Variants in PRKG1 observed in about 807,000 individuals in gnomAD.
PRKG1 encodes the protein protein kinase cGMP-dependent 1.
Under a neutral mutation model 88.1 loss-of-function variants are expected in PRKG1, and 35 were observed. The observed-to-expected ratio is 0.40, with a 90% CI of 0.30 to 0.53. The LOEUF is 0.53. Among genes scored for constraint, PRKG1 ranks in the 20% least tolerant of loss-of-function variants. PRKG1 has a pLI of 0.59. For missense variants in PRKG1, 540 were observed against 839.8 expected, an observed-to-expected ratio of 0.64 and a Z score of 4.41; for synonymous variants, 303 against 292.5, an observed-to-expected ratio of 1.04 and a Z score of -0.37.
chr10:52,163,586 T>C (rs1838341570), intron 9 of PRKG1, among the ~76,000 whole-genome samples: 1 of 152,086 alleles, frequency 6.6e-6, no homozygotes, highest in Admixed American at 6.6e-5. Flanking sequence ...ATGAATGTTT[T>C]TGTAGAACTC....
intron 3 of PRKG1, among the ~76,000 whole-genome samples, chr10:51,640,022 G>C (rs543620131): frequency 2.2e-4 from 33 of 152,294 alleles, no homozygotes; most frequent in African/African-American, 7.7e-4. Flanking sequence ...TGGTTGTAAA[G>C]ATTAAAAGAG....
intron 3 of PRKG1, among the ~76,000 whole-genome samples, chr10:51,551,766 G>GT (rs1405348000): frequency 1.3e-5 from 2 of 151,724 alleles, no homozygotes; most frequent in African/African-American, 4.8e-5. Context: ...CATGGAAATT[G>GT]TTTTTCATAT....
At chr10:52,277,600 A>G (rs978787595) in intron 12 of PRKG1, among the ~76,000 whole-genome samples, 2 of 152,152 alleles carry the variant, frequency 1.3e-5, no homozygotes, top group Non-Finnish European at 2.9e-5. Flanking sequence ...ACAGAAACAC[A>G]GAGACATATA....
At chr10:52,243,300 A>G (rs1345502977) in intron 9 of PRKG1, among the ~76,000 whole-genome samples, 1 of 152,216 alleles carries the variant, frequency 6.6e-6, no homozygotes, top group Non-Finnish European at 1.5e-5. Context: ...TTTTTCAAAT[A>G]TAAGGACATT....
intron 1 of PRKG1, among the ~76,000 whole-genome samples, chr10:51,121,757 A>T (rs2339627): frequency 6.6e-6 from 1 of 151,496 alleles, no homozygotes; most frequent in Admixed American, 6.6e-5. Flanking sequence ...AAATGTCATA[A>T]TCACCCATCA....
intron 2 of PRKG1, among the ~76,000 whole-genome samples, chr10:51,232,480 G>T (rs2132111026): frequency 6.6e-6 from 1 of 152,140 alleles, no homozygotes; most frequent in African/African-American, 2.4e-5. Context: ...TGAAAAAATG[G>T]ATATGCGATG....
chr10:51,004,409 A>G (rs766359689), intron 1 of PRKG1, among the ~76,000 whole-genome samples: 64 of 152,236 alleles, frequency 4.2e-4, no homozygotes, highest in Non-Finnish European at 6.6e-4. Context: ...CAGTGAGCCA[A>G]GATTGTGCCA....
rs190227356 is a variant in PRKG1 at position 52,204,969 on chromosome 10, T to C, written c.1076+43006T>C. On this transcript the variant is annotated intron_variant, in intron 9 of 17. Coordinates refer to ENST00000373980, the MANE Select transcript of PRKG1 (RefSeq NM_006258.4). ...CTCCCAAATAAGGAATATTAATAATTAACAGCCCTGGGAAAAGAATGCATT... is the reference window on the plus strand; with the variant it reads ...CTCCCAAATAAGGAATATTAATAATCAACAGCCCTGGGAAAAGAATGCATT... Among the ~76,000 whole-genome samples, 5 of 152,146 alleles carry C rather than the reference T, an allele frequency of 3.3e-5. No homozygotes were observed. In the East Asian group the frequency reaches 9.7e-4, roughly 29 times the overall value.
At chr10:51,102,452 G>T (rs1844709614) in intron 1 of PRKG1, among the ~76,000 whole-genome samples, 1 of 151,928 alleles carries the variant, frequency 6.6e-6, no homozygotes, top group Admixed American at 6.6e-5. Context: ...AAAAAAACAG[G>T]CAGAATTAAA....
chr10:51,173,154 A>G (rs541322316), intron 2 of PRKG1, among the ~76,000 whole-genome samples: 11 of 152,016 alleles, frequency 7.2e-5, no homozygotes, highest in Middle Eastern at 3.2e-3. Context: ...TTATAATTAT[A>G]ATAAACAATA....
At chr10:51,118,345 T>C (rs1845178265) in intron 1 of PRKG1, among the ~76,000 whole-genome samples, 2 of 152,198 alleles carry the variant, frequency 1.3e-5, no homozygotes, top group Non-Finnish European at 1.5e-5. Flanking sequence ...CTCAGATCAA[T>C]ATAGTGCCAT....
chr10:52,119,991 CAG>C lies in PRKG1; in HGVS notation c.936-13837_936-13836del, dbSNP rs147162131. ...AGAGAGACAGAGAGGGAAAGTGAGA[CAG>C]AGAGAGAGAGACAGAGAGAGAGAGA... On this transcript the variant is annotated intron_variant, in intron 7 of 17. Coordinates refer to ENST00000373980, the MANE Select transcript of PRKG1 (RefSeq NM_006258.4). 1.2e-4 allele frequency among the ~76,000 whole-genome samples: 18 copies of C among 149,568 alleles called. No individual in the cohort carries two copies. The South Asian group carries it at 2.1e-3, about 18-fold the overall frequency.
chr10:51,799,291 C>T (rs1193290388), intron 3 of PRKG1, among the ~76,000 whole-genome samples: 1 of 152,032 alleles, frequency 6.6e-6, no homozygotes, highest in Non-Finnish European at 1.5e-5. Context: ...AATTCCGCAT[C>T]AAGGCACACA....
chr10:51,375,998 C>T (rs1842809426), intron 2 of PRKG1, among the ~76,000 whole-genome samples: 1 of 152,138 alleles, frequency 6.6e-6, no homozygotes, highest in Non-Finnish European at 1.5e-5. Flanking sequence ...TCCATGTATG[C>T]AAAACACTAC....
chr10:52,184,870 C>T (rs1839147570), intron 9 of PRKG1: 1 of 152,162 alleles, frequency 6.6e-6, no homozygotes, highest in African/African-American at 2.4e-5. Context: ...AGCAATAACT[C>T]ACTTATCACG....
At chr10:51,357,041 A>G (rs962662517) in intron 2 of PRKG1, among the ~76,000 whole-genome samples, 4 of 152,006 alleles carry the variant, frequency 2.6e-5, no homozygotes, top group Non-Finnish European at 5.9e-5. Context: ...GTGGTGGCCC[A>G]GGATGTAGTA....
At chr10:51,624,803 A>G (rs1839293662) in intron 3 of PRKG1, among the ~76,000 whole-genome samples, 1 of 152,266 alleles carries the variant, frequency 6.6e-6, no homozygotes. Flanking sequence ...TATTCAAACT[A>G]CATGATATTA....
At chr10:51,736,787 C>A (rs924598410) in intron 3 of PRKG1, among the ~76,000 whole-genome samples, 1 of 151,684 alleles carries the variant, frequency 6.6e-6, no homozygotes, top group Non-Finnish European at 1.5e-5. Context: ...CACTACTACA[C>A]CTGGCTAATT....
intron 1 of PRKG1, among the ~76,000 whole-genome samples, chr10:51,146,172 G>T (rs1452876250): frequency 6.7e-6 from 1 of 150,318 alleles, no homozygotes; most frequent in Non-Finnish European, 1.5e-5. Flanking sequence ...CTGGGTGACA[G>T]AACAAGACTC....
Sources: gnomAD v4.1 joint callset for allele counts (sites outside exome capture counted in the v4.1 genomes callset) on GRCh38, gnomAD v4.1.1 for gene constraint, MANE v1.5 for transcripts, NCBI Gene and HGNC (gene_info 2026-07-23, HGNC 2026-07-21) for gene names.